Variants in RUVBL1 observed in about 807,000 individuals in gnomAD.
The protein encoded by RUVBL1 is ruvB-like 1.
A neutral mutation model predicts 52.4 loss-of-function variants in RUVBL1; 4 were observed. The observed-to-expected ratio is 0.08, with a 90% CI of 0.04 to 0.17. The LOEUF (loss-of-function observed/expected upper bound fraction) is 0.17. RUVBL1 is among the 10% of genes least tolerant of loss of function. The pLI, the probability that RUVBL1 is intolerant of heterozygous loss-of-function variation, is 1.00. For missense variants in RUVBL1, 298 were observed against 572.8 expected (o/e 0.52, Z 4.90); for synonymous variants, 217 against 214.4 (o/e 1.01, Z -0.10).
chr3:128,096,775 C>T (rs915338725), intron 8 of RUVBL1, among the ~76,000 whole-genome samples: 3 of 151,538 alleles, frequency 2.0e-5, no homozygotes, highest in Admixed American at 6.6e-5. Context: ...TGCAGTGAGC[C>T]GAGATCGCGC....
chr3:128,152,917 C>CTCCCCCCCGCCCTCCCCCTCCCCCGCCT (rs1944257904), intron 1 of RUVBL1, among the ~76,000 whole-genome samples: 1 of 3,948 alleles, frequency 2.5e-4, no homozygotes, highest in Non-Finnish European at 5.0e-4. Context: ...CTCCCCCGCC[C>CTCCCCCCCGCCCTCCCCCTCCCCCGCCT]CCCGCCGTCC....
exon 1 of RUVBL1, chr3:128,153,635 G>T: frequency 6.3e-7 from 1 of 1,598,034 alleles, no homozygotes; most frequent in Non-Finnish European, 8.5e-7. Context: ...CCGCAGAGCC[G>T]CGAGCGCGGC....
At chr3:128,101,184 C>T (rs374669916) in intron 5 of RUVBL1, among the ~76,000 whole-genome samples, 20 of 152,172 alleles carry the variant, frequency 1.3e-4, no homozygotes, top group African/African-American at 4.6e-4. Flanking sequence ...TGCAGCGTTC[C>T]TTCCCACATG....
intron 1 of RUVBL1, among the ~76,000 whole-genome samples, chr3:128,152,208 G>C (rs577166083): frequency 2.0e-5 from 3 of 152,332 alleles, no homozygotes; most frequent in African/African-American, 7.2e-5. Flanking sequence ...TCAGAATCTA[G>C]TGAGAGTTGT....
chr3:128,151,015 TA>T (rs1399449002), intron 1 of RUVBL1, among the ~76,000 whole-genome samples: 7 of 94,768 alleles, frequency 7.4e-5, no homozygotes, highest in African/African-American at 2.8e-4. Flanking sequence ...TATTATATAT[TA>T]TATATATAAT....
At chr3:128,083,452 G>A (rs1428544775) in intron 9 of RUVBL1, 2 of 152,274 alleles carry the variant, frequency 1.3e-5, no homozygotes, top group African/African-American at 4.8e-5. Context: ...GGAGGGAGGA[G>A]AGCCAGAGGT....
intron 9 of RUVBL1, among the ~76,000 whole-genome samples, chr3:128,085,661 C>T (rs1404824445): frequency 2.0e-5 from 3 of 152,228 alleles, no homozygotes; most frequent in Non-Finnish European, 4.4e-5. Flanking sequence ...CTGTGACTCT[C>T]CTGATGCATC....
intron 2 of RUVBL1, among the ~76,000 whole-genome samples, chr3:128,119,106 C>G (rs1943587309): frequency 6.6e-6 from 1 of 152,178 alleles, no homozygotes; most frequent in Admixed American, 6.5e-5. Flanking sequence ...AATGAGACCC[C>G]TTCAAGGACT....
chr3:128,139,367 T>C (rs1943988038), intron 1 of RUVBL1, among the ~76,000 whole-genome samples: 1 of 152,072 alleles, frequency 6.6e-6, no homozygotes, highest in Admixed American at 6.6e-5. Flanking sequence ...AATAATCCAA[T>C]TTAGAAAAAA....
At chr3:128,069,959 C>T (rs1370389007) in intron 9 of RUVBL1, 2 of 274,028 alleles carry the variant, frequency 7.3e-6, no homozygotes, top group Non-Finnish European at 1.4e-5. Context: ...ACCTTTGCAC[C>T]TTCTCAGTGC....
chr3:128,150,798 TTATATATTC>T (rs1240445811), intron 1 of RUVBL1, among the ~76,000 whole-genome samples: 2 of 78,460 alleles, frequency 2.5e-5, no homozygotes, highest in Non-Finnish European at 4.7e-5. Context: ...ATTCTATATA[TTATATATTC>T]TATATATTAT....
exon 1 of RUVBL1, chr3:128,153,330 C>CT: frequency 1.5e-6 from 2 of 1,372,552 alleles, no homozygotes; most frequent in Non-Finnish European, 1.9e-6. Context: ...CTAGACCACC[C>CT]ACTCGGAGCA....
chr3:128,134,349 C>T (rs1383356773), intron 1 of RUVBL1, among the ~76,000 whole-genome samples: 1 of 151,356 alleles, frequency 6.6e-6, no homozygotes, highest in African/African-American at 2.4e-5. Flanking sequence ...TGTAATCCAG[C>T]TACTCAGGAG....
intron 1 of RUVBL1, among the ~76,000 whole-genome samples, chr3:128,146,832 C>A (rs575032778): frequency 1.3e-5 from 2 of 148,574 alleles, no homozygotes; most frequent in African/African-American, 5.0e-5. Flanking sequence ...TGTGTGTGTG[C>A]GCACTTGTGT....
At chr3:128,136,872 T>C (rs1366001527) in intron 1 of RUVBL1, among the ~76,000 whole-genome samples, 2 of 152,102 alleles carry the variant, frequency 1.3e-5, no homozygotes, top group African/African-American at 2.4e-5. Context: ...CAATTGTAAA[T>C]ATATATGCAT....
At chr3:128,114,201 C>T (rs1341887357) in intron 2 of RUVBL1, among the ~76,000 whole-genome samples, 1 of 152,186 alleles carries the variant, frequency 6.6e-6, no homozygotes, top group Non-Finnish European at 1.5e-5. Context: ...GAAACAGGAG[C>T]ACGAGTAAGG....
rs888274904 is a variant in RUVBL1, at chr3:128,067,680, C to G, written c.940-2460G>C. ...ACTGGTATAAGGGGTGTGGACTTGT[C>G]ACCTCATCATAAATAATGGTCTGTG... On this transcript the variant is annotated intron_variant, in intron 9 of 9. Coordinates refer to the RUVBL1 transcript ENST00000464873. This position sits in a 1 kb window ranked among gnomAD's most constrained non-coding sequence, Gnocchi z 4.1. 4 of 1,236,912 alleles carry G rather than the reference C, an allele frequency of 3.2e-6. No homozygotes were observed. In the African/African-American group the frequency reaches 6.0e-5, roughly 19 times the overall value. 76.6% of individuals were successfully genotyped at this position (1,236,912 alleles called of 1,614,324 possible).
At chr3:128,126,461 G>A (rs562280355), upstream of RUVBL1, among the ~76,000 whole-genome samples, 59 of 151,906 alleles carry the variant, frequency 3.9e-4, no homozygotes, top group Admixed American at 2.4e-3. Context: ...CACGAGAATC[G>A]CTTGAACTCA....
At chr3:128,142,784 C>T (rs1199659241) in intron 1 of RUVBL1, among the ~76,000 whole-genome samples, 1 of 152,064 alleles carries the variant, frequency 6.6e-6, no homozygotes. Flanking sequence ...CTGCCTCTCT[C>T]CTTTTTTTGT....
Sources: gnomAD v4.1 joint callset for allele counts (sites outside exome capture counted in the v4.1 genomes callset) on GRCh38, gnomAD v4.1.1 for gene constraint, Gnocchi (gnomAD v3.1) non-coding constraint, MANE v1.5 for transcripts, NCBI Gene and HGNC (gene_info 2026-07-23, HGNC 2026-07-21) for gene names.